KCNN2: variants seen among roughly 807,000 people sequenced by gnomAD.
The protein encoded by KCNN2 is small conductance calcium-activated potassium channel protein 2.
Under a neutral mutation model 55.5 loss-of-function variants are expected in KCNN2, and 24 were observed. The ratio of observed to expected loss-of-function variants is 0.43; its 90% confidence interval spans 0.31 to 0.61. The LOEUF (loss-of-function observed/expected upper bound fraction) is 0.61, where lower values mean the gene tolerates loss of function less well. Ranked by LOEUF, KCNN2 falls within the 20% of genes least tolerant of loss-of-function variation. KCNN2 has a pLI of 0.08. For synonymous variants in KCNN2, 431 were observed against 336.1 expected, an observed-to-expected ratio of 1.28 and a Z score of -3.09; for missense variants, 754 against 853.6, an observed-to-expected ratio of 0.88 and a Z score of 1.45.
At chr5:114,124,172 A>T (rs2974464) in intron 1 of KCNN2, among the ~76,000 whole-genome samples, 10,574 of 152,270 alleles carry the variant, frequency 0.069, 1,211 homozygotes, top group African/African-American at 0.24. Flanking sequence ...GGTCAGGATG[A>T]TAAATGGATT....
At chr5:114,224,931 T>C (rs1404039409) in intron 2 of KCNN2, among the ~76,000 whole-genome samples, 1 of 152,176 alleles carries the variant, frequency 6.6e-6, no homozygotes, top group African/African-American at 2.4e-5. Context: ...TTATAGATTC[T>C]AGATAGTAAA....
chr5:114,084,009 G>C (rs1750959607), intron 1 of KCNN2, among the ~76,000 whole-genome samples: 1 of 152,010 alleles, frequency 6.6e-6, no homozygotes, highest in Non-Finnish European at 1.5e-5. Flanking sequence ...TGGCTCCATA[G>C]CTCACTTATT....
chr5:114,192,493 T>A (rs1306803101), intron 1 of KCNN2, among the ~76,000 whole-genome samples: 1 of 152,164 alleles, frequency 6.6e-6, no homozygotes, highest in Non-Finnish European at 1.5e-5. Flanking sequence ...AAGTACTACT[T>A]CTCTTCTGTT....
At chr5:114,101,806 G>A (rs562243164) in intron 1 of KCNN2, among the ~76,000 whole-genome samples, 85 of 152,226 alleles carry the variant, frequency 5.6e-4, no homozygotes, top group African/African-American at 1.9e-3. Flanking sequence ...GTGTATATGT[G>A]CCACATTTTC....
chr5:114,056,255 G>A, exon 1 of KCNN2: 1 of 396,976 alleles, frequency 2.5e-6, no homozygotes, highest in Non-Finnish European at 4.4e-6. Context: ...CCCCGAAGCT[G>A]GGGAGCCGGG....
Position 114,452,488 on chromosome 5 carries a change from C to T in KCNN2, c.1638-10561C>T, listed in dbSNP as rs546173616. Among the ~76,000 whole-genome samples, 6 of 152,314 alleles carry T rather than the reference C, an allele frequency of 3.9e-5. No individual in the cohort carries two copies. The South Asian group carries it at 1.2e-3, about 32-fold the overall frequency. On this transcript the variant is annotated intron_variant, in intron 3 of 7. Transcript: ENST00000673685. ...TTCTCATGAATGCTTACTATTTTTA[C>T]TCATCTACATATTCTCAGTGCCTCC...
chr5:114,182,646 C>T (rs1753262334), intron 1 of KCNN2, among the ~76,000 whole-genome samples: 1 of 152,006 alleles, frequency 6.6e-6, no homozygotes, highest in East Asian at 1.9e-4. Flanking sequence ...GTAAGTAGAA[C>T]TATTTTTCTA....
At chr5:114,383,365 A>G (rs1051809279) in intron 2 of KCNN2, among the ~76,000 whole-genome samples, 2 of 152,094 alleles carry the variant, frequency 1.3e-5, no homozygotes, top group African/African-American at 4.8e-5. Flanking sequence ...TCCTCAAGGA[A>G]TATGCTAAAA....
chr5:114,067,045 C>T (rs1750466750), intron 1 of KCNN2, among the ~76,000 whole-genome samples: 1 of 152,150 alleles, frequency 6.6e-6, no homozygotes, highest in African/African-American at 2.4e-5. Flanking sequence ...GTTGACAGAA[C>T]AATTCATTTT....
intron 2 of KCNN2, among the ~76,000 whole-genome samples, chr5:114,380,817 G>A (rs775077091): frequency 1.3e-5 from 2 of 152,058 alleles, no homozygotes; most frequent in African/African-American, 4.8e-5. Flanking sequence ...TGGCCTTTGG[G>A]GTTCACTAAT....
intron 2 of KCNN2, among the ~76,000 whole-genome samples, chr5:114,292,855 CT>C (rs1755924836): frequency 6.6e-6 from 1 of 152,176 alleles, no homozygotes; most frequent in Non-Finnish European, 1.5e-5. Context: ...TTTGTATCCT[CT>C]TTTAATTCAT....
At chr5:114,079,989 C>G (rs72797616) in intron 1 of KCNN2, among the ~76,000 whole-genome samples, 8,035 of 152,100 alleles carry the variant, frequency 0.053, 270 homozygotes, top group Non-Finnish European at 0.079. Context: ...GCTGGCTTCC[C>G]TCTTACTCTC....
chr5:114,261,763 G>T (rs983055870), intron 2 of KCNN2, among the ~76,000 whole-genome samples: 1 of 152,186 alleles, frequency 6.6e-6, no homozygotes, highest in Non-Finnish European at 1.5e-5. Context: ...ACTTGGGTTA[G>T]TTCGCAGAAA....
chr5:114,482,967 C>T (rs1469301551), intron 5 of KCNN2, among the ~76,000 whole-genome samples: 1 of 151,654 alleles, frequency 6.6e-6, no homozygotes, highest in Admixed American at 6.6e-5. Context: ...ATCTGTGCAG[C>T]AAACCACCAT....
At chr5:114,379,834 T>C (rs1448622811) in intron 2 of KCNN2, among the ~76,000 whole-genome samples, 8 of 145,242 alleles carry the variant, frequency 5.5e-5, no homozygotes, top group South Asian at 2.1e-4. Context: ...TAGAATATAT[T>C]ATATAGCTTA....
At chr5:114,339,879 A>T (rs1756986275) in intron 2 of KCNN2, among the ~76,000 whole-genome samples, 1 of 152,182 alleles carries the variant, frequency 6.6e-6, no homozygotes, top group African/African-American at 2.4e-5. Context: ...TATTGGGCCC[A>T]CAGACCTCCA....
chr5:114,145,737 G>A lies in KCNN2; in HGVS notation c.-270-75743G>A, dbSNP rs531615392. Among the ~76,000 whole-genome samples, 3 of 152,184 alleles carry A rather than the reference G, an allele frequency of 2.0e-5. No individual in the cohort carries two copies. In the East Asian group the frequency reaches 5.8e-4, roughly 29 times the overall value. On this transcript the variant is annotated intron_variant, in intron 1 of 10. Coordinates refer to the KCNN2 transcript ENST00000512097. The stretch of plus-strand genomic sequence containing the variant: ...CCATATCATGGCTCAAATAAGAGGA[G>A]GAAAAGGAATATAGGCCCAATATGT...
chr5:114,391,012 C>G (rs1009403737), intron 2 of KCNN2, among the ~76,000 whole-genome samples: 3 of 152,102 alleles, frequency 2.0e-5, no homozygotes, highest in African/African-American at 4.8e-5. Flanking sequence ...TCACTGCATC[C>G]TGGTGGATAA....
chr5:114,104,416 A>G (rs979685618), intron 1 of KCNN2, among the ~76,000 whole-genome samples: 2 of 151,830 alleles, frequency 1.3e-5, no homozygotes, highest in Admixed American at 6.6e-5. Context: ...TCATGTCTCT[A>G]TCAGTTCTGC....
Sources: allele counts gnomAD v4.1 joint callset (sites outside exome capture counted in the v4.1 genomes callset), GRCh38; gene constraint gnomAD v4.1.1; transcripts MANE v1.5; gene names NCBI Gene and HGNC (gene_info 2026-07-23, HGNC 2026-07-21).